The following NALCN variants were observed in gnomAD, a reference collection of about 807,000 sequenced individuals.
NALCN encodes the protein sodium leak channel, non-selective, also known as sodium leak channel NALCN.
NALCN carries 111 observed loss-of-function variants against 225.3 expected under a neutral mutation model. The observed-to-expected ratio is 0.49, with a 90% CI of 0.42 to 0.58. NALCN has a LOEUF of 0.58. Among genes scored for constraint, NALCN ranks in the 20% least tolerant of loss-of-function variants. The pLI, the probability that NALCN is intolerant of heterozygous loss-of-function variation, is 0.00. For missense variants in NALCN, 1,378 were observed against 2,202.4 expected, an observed-to-expected ratio of 0.63 and a Z score of 7.49; for synonymous variants, 764 against 769.0, an observed-to-expected ratio of 0.99 and a Z score of 0.11.
intron 6 of NALCN, among the ~76,000 whole-genome samples, chr13:101,370,248 A>G (rs1299291471): frequency 2.0e-5 from 3 of 152,018 alleles, no homozygotes; most frequent in African/African-American, 7.3e-5. Context: ...TGGTTGTGGC[A>G]AGATGGACTA....
At chr13:101,136,370 A>G (rs2036793209) in intron 17 of NALCN, among the ~76,000 whole-genome samples, 1 of 152,152 alleles carries the variant, frequency 6.6e-6, no homozygotes, top group Admixed American at 6.5e-5. Flanking sequence ...TTTGTTACAT[A>G]GGTATGCATG....
intron 6 of NALCN, 67 bp downstream of exon 6, chr13:101,376,633 T>C (rs1476015008): frequency 1.3e-6 from 2 of 1,519,120 alleles, no homozygotes; most frequent in African/African-American, 2.8e-5. Context: ...GAGGTTATTC[T>C]TATGAAAATT....
chr13:101,304,758 CTTTT>C (rs769247590), intron 7 of NALCN, among the ~76,000 whole-genome samples: 2 of 122,806 alleles, frequency 1.6e-5, no homozygotes, highest in Admixed American at 8.9e-5. Context: ...TTTTTCTTTT[CTTTT>C]TTTTTTTTTT....
chr13:101,146,542 C>T (rs1258695725), intron 15 of NALCN, among the ~76,000 whole-genome samples: 1 of 152,056 alleles, frequency 6.6e-6, no homozygotes, highest in East Asian at 1.9e-4. Flanking sequence ...AAAGTTGATA[C>T]AACTAGTAGA....
chr13:101,389,278 C>G (rs1201067197), intron 3 of NALCN, among the ~76,000 whole-genome samples: 1 of 152,138 alleles, frequency 6.6e-6, no homozygotes, highest in African/African-American at 2.4e-5. Flanking sequence ...GAGCAGATAT[C>G]TCAGAAGGTG....
At chr13:101,296,446 C>T (rs1228753129) in intron 7 of NALCN, among the ~76,000 whole-genome samples, 1 of 152,176 alleles carries the variant, frequency 6.6e-6, no homozygotes, top group East Asian at 1.9e-4. Flanking sequence ...CCTGCACACT[C>T]ATATATAAAC....
chr13:101,078,803 G>C (rs954981025), intron 34 of NALCN, among the ~76,000 whole-genome samples: 1 of 151,990 alleles, frequency 6.6e-6, no homozygotes, highest in African/African-American at 2.4e-5. Flanking sequence ...ATTTGGGAGG[G>C]GTCCAGGCAG....
At chr13:101,173,545 T>TA (rs1261635230) in intron 15 of NALCN, among the ~76,000 whole-genome samples, 1 of 152,054 alleles carries the variant, frequency 6.6e-6, no homozygotes, top group Non-Finnish European at 1.5e-5. Flanking sequence ...TTTTGAAAAA[T>TA]AAGTGAAAAC....
At position 101,056,246 on chromosome 13, in the gene NALCN, CTTTTTTTTTTTTT is replaced by C. The variant is rs34583741; in HGVS notation, c.5024-771_5024-759del. Among the ~76,000 whole-genome samples the C allele has an allele frequency of 1.7e-4, 8 of 45,852 alleles. 1 individual carries two copies. Among genetic ancestry groups the C allele is most frequent in the South Asian group, 2.2e-3 (2 of 908 alleles). The allele number at this position is 45,852 out of a possible 152,430, so 30.1% of individuals were successfully genotyped here. ...ACCTAGGCATGGACCAGTGGAAGTA[CTTTTTTTTTTTTT>C]TTTTTTTTTTTTTTTTTGGGAGACA... On this transcript the variant is annotated intron_variant, in intron 43 of 43. Coordinates refer to ENST00000251127, the MANE Select transcript of NALCN (RefSeq NM_052867.4).
At chr13:101,334,059 G>A (rs904650500) in intron 7 of NALCN, among the ~76,000 whole-genome samples, 3 of 151,990 alleles carry the variant, frequency 2.0e-5, no homozygotes, top group African/African-American at 7.2e-5. Flanking sequence ...AGTATATACC[G>A]AGTTCAATGA....
rs1385701990 is a variant in NALCN, at chr13:101,288,876, T to C, written c.1047+3114A>G. On this transcript the variant is annotated intron_variant, in intron 9 of 43. Transcript: ENST00000251127. Reference sequence around the variant, plus strand: ...CTTTGAGTTCTACTCAAGGCAAAGTTGGGATAAGCTCATCTCCATCATGAG... The same window carrying C: ...CTTTGAGTTCTACTCAAGGCAAAGTCGGGATAAGCTCATCTCCATCATGAG... Among the ~76,000 whole-genome samples, 3 of 152,298 alleles carry C rather than the reference T, an allele frequency of 2.0e-5. No individual in the cohort carries two copies. In the East Asian group the frequency reaches 5.8e-4, roughly 29 times the overall value.
chr13:101,096,682 T>C (rs978999026), intron 27 of NALCN, among the ~76,000 whole-genome samples: 19 of 152,150 alleles, frequency 1.2e-4, no homozygotes, highest in Admixed American at 2.0e-4. Flanking sequence ...TAAAAAACCA[T>C]TGAATTGAAC....
rs1290670385 is a variant in NALCN, at chr13:101,319,430, GA to G, written c.799+25835del. ...GGCTGGAGTGACACTTCTGAAAGAT[GA>G]AACCTTCTGCTTTAAATAATGAAAT... On this transcript the variant is annotated intron_variant, in intron 7 of 43. Coordinates refer to ENST00000251127, the MANE Select transcript of NALCN (RefSeq NM_052867.4). Among the ~76,000 whole-genome samples, 9 of 152,184 alleles carry G rather than the reference GA, an allele frequency of 5.9e-5. 1 individual carries two copies. The highest frequency in any genetic ancestry group is 5.9e-4 in the Admixed American group (9 of 15,278).
chr13:101,319,309 G>A (rs1594668624), intron 7 of NALCN, among the ~76,000 whole-genome samples: 2 of 152,224 alleles, frequency 1.3e-5, no homozygotes, highest in Middle Eastern at 3.4e-3. Context: ...CCCACCTATT[G>A]TTCTTGGCCC....
At chr13:101,178,379 T>C (rs1365200305) in intron 14 of NALCN, among the ~76,000 whole-genome samples, 1 of 152,226 alleles carries the variant, frequency 6.6e-6, no homozygotes, top group Non-Finnish European at 1.5e-5. Context: ...GAAGGGATCC[T>C]GTTCGCCTCC....
rs754822132 is a variant in NALCN at position 101,107,638 on chromosome 13, G to A, written c.2457-29C>T. The A allele has an allele frequency of 5.0e-6, 8 of 1,613,866 alleles. No homozygotes were observed. The African/African-American group carries it at 1.1e-4, about 22-fold the overall frequency. The stretch of plus-strand genomic sequence containing the variant: ...GAAGGAGAAATTCATGGGAGAATGA[G>A]GCTAAGGGAAATTTTGCCATTCCCG... On this transcript the variant is annotated intron_variant, in intron 21 of 43. Coordinates refer to ENST00000251127, the MANE Select transcript of NALCN (RefSeq NM_052867.4).
rs58640505 is a variant in NALCN at position 101,380,857 on chromosome 13, A to AACACACACAC, written c.292-2214_292-2205dup. Among the ~76,000 whole-genome samples the AACACACACAC allele has an allele frequency of 5.8e-3, 850 of 145,662 alleles. 9 individuals carry two copies. The highest frequency in any genetic ancestry group is 0.019 in the African/African-American group (768 of 39,462). ...ATTAGAGGATATATAATGCCTAGCT[A>AACACACACAC]ACACACACACACACACACACACACA... On this transcript the variant is annotated intron_variant, in intron 3 of 43. Transcript: ENST00000251127.
At chr13:101,236,420 C>A (rs1047148374) in intron 12 of NALCN, among the ~76,000 whole-genome samples, 8 of 152,044 alleles carry the variant, frequency 5.3e-5, no homozygotes, top group Non-Finnish European at 1.0e-4. Flanking sequence ...TGGGTATATA[C>A]CCAAAGGACT....
intron 6 of NALCN, among the ~76,000 whole-genome samples, chr13:101,352,492 C>A (rs868344374): frequency 6.6e-6 from 1 of 152,090 alleles, no homozygotes; most frequent in Non-Finnish European, 1.5e-5. Context: ...AAGAGAGAGA[C>A]CTTTTCACCT....
Sources: allele counts gnomAD v4.1 joint callset (sites outside exome capture counted in the v4.1 genomes callset), GRCh38; gene constraint gnomAD v4.1.1; transcripts MANE v1.5; gene names NCBI Gene and HGNC (gene_info 2026-07-23, HGNC 2026-07-21).